SPTBN4: variants seen among roughly 807,000 people sequenced by gnomAD.
The protein encoded by SPTBN4 is spectrin beta, non-erythrocytic 4.
In SPTBN4, 96 loss-of-function variants were observed where a neutral mutation model predicts 277.8. That is an observed-to-expected ratio of 0.35 (90% CI 0.29 to 0.41). The LOEUF is 0.41. Ranked by LOEUF, SPTBN4 falls within the 10% of genes least tolerant of loss-of-function variation. The probability of loss-of-function intolerance (pLI) is 1.00; values close to 1 mark genes in which losing one functional copy is unlikely to be tolerated. For synonymous variants in SPTBN4, 1,481 were observed against 1,580.3 expected (o/e 0.94, Z 1.49); for missense variants, 3,006 against 3,595.7 (o/e 0.84, Z 4.19).
intron 7 of SPTBN4, among the ~76,000 whole-genome samples, chr19:40,498,469 G>GCA (rs2080227192): frequency 6.6e-6 from 1 of 151,478 alleles, no homozygotes; most frequent in Non-Finnish European, 1.5e-5. Flanking sequence ...GCAGTGGCAT[G>GCA]ATCTCGGCTC....
At chr19:40,571,314 G>T (rs2081154754) in intron 33 of SPTBN4, among the ~76,000 whole-genome samples, 1 of 152,184 alleles carries the variant, frequency 6.6e-6, no homozygotes, top group South Asian at 2.1e-4. Context: ...GGGTTGGGAA[G>T]GGGGAGTCAT....
At chr19:40,569,602 T>A in intron 31 of SPTBN4, 55 bp from the exon 32 acceptor site, 2 of 1,588,308 alleles carry the variant, frequency 1.3e-6, no homozygotes, top group East Asian at 2.3e-5. Context: ...GCCAGACAGG[T>A]CCATGGGAGA....
chr19:40,487,997 T>G (rs550635853), intron 3 of SPTBN4, 149 bp downstream of exon 3: 1 of 925,418 alleles, frequency 1.1e-6, no homozygotes, highest in African/African-American at 1.7e-5. Context: ...AAGAGGTCCC[T>G]CTACTCGGGT....
chr19:40,532,598 T>G (rs1448537359), intron 18 of SPTBN4, 27 bp from the exon 19 acceptor site: 1 of 1,596,804 alleles, frequency 6.3e-7, no homozygotes. Context: ...GGGGACCAGC[T>G]GAGCCCTCCT....
intron 17 of SPTBN4, among the ~76,000 whole-genome samples, chr19:40,524,920 CA>C (rs751001571): frequency 2.6e-5 from 4 of 152,178 alleles, no homozygotes; most frequent in Non-Finnish European, 5.9e-5. Flanking sequence ...AAAACAACAC[CA>C]CCACCTCCAG....
Position 40,531,620 on chromosome 19 carries a change from G to A in SPTBN4, c.3949-1005G>A, listed in dbSNP as rs981342480. 2.0e-5 allele frequency among the ~76,000 whole-genome samples: 3 copies of A among 150,410 alleles called. No homozygotes were observed. In the South Asian group the frequency reaches 6.4e-4, roughly 32 times the overall value. On this transcript the variant is annotated intron_variant, in intron 18 of 35. Transcript: ENST00000598249. Reference sequence around the variant, plus strand: ...AGTTCTGGCTTGGAGGATAAGTCTGGTTTTTTACTGGAGGGGGTTGGGGGA... The same window carrying A: ...AGTTCTGGCTTGGAGGATAAGTCTGATTTTTTACTGGAGGGGGTTGGGGGA...
At chr19:40,482,124 A>G (rs1422695732) in intron 2 of SPTBN4, among the ~76,000 whole-genome samples, 1 of 151,432 alleles carries the variant, frequency 6.6e-6, no homozygotes, top group Non-Finnish European at 1.5e-5. Context: ...TTTAGTAGAG[A>G]TGGGGTTTCA....
intron 6 of SPTBN4, among the ~76,000 whole-genome samples, chr19:40,495,287 A>G (rs2080183969): frequency 6.6e-6 from 1 of 152,128 alleles, no homozygotes; most frequent in Non-Finnish European, 1.5e-5. Flanking sequence ...CCCGCAGGGT[A>G]GGAAGCTCGC....
intron 31 of SPTBN4, 72 bp downstream of exon 31, chr19:40,568,354 C>T: frequency 6.8e-7 from 1 of 1,470,430 alleles, no homozygotes; most frequent in Non-Finnish European, 9.0e-7. Flanking sequence ...CCCTCAGGCC[C>T]AGTGAAAGGG....
chr19:40,561,313 T>C (rs1226528968), intron 27 of SPTBN4, among the ~76,000 whole-genome samples: 1 of 151,934 alleles, frequency 6.6e-6, no homozygotes, highest in Non-Finnish European at 1.5e-5. Context: ...GTGCCTGACC[T>C]AGGCTGGAAA....
intron 12 of SPTBN4, among the ~76,000 whole-genome samples, chr19:40,505,751 G>GAAGGAAGGAAGGAAGA (rs1185459061): frequency 6.9e-6 from 1 of 144,168 alleles, no homozygotes; most frequent in Non-Finnish European, 1.5e-5. Flanking sequence ...AGGAAGGAAG[G>GAAGGAAGGAAGGAAGA]AAGAAAGAAA....
chr19:40,575,701 G>T lies in SPTBN4; in HGVS notation c.*132G>T, dbSNP rs1016264079. 3.5e-6 allele frequency: 4 copies of T among 1,149,072 alleles called. No individual in the cohort carries two copies. The highest frequency in any genetic ancestry group is 4.8e-6 in the Non-Finnish European group (4 of 841,490). The allele number at this position is 1,149,072 out of a possible 1,614,324, so 71.2% of individuals were successfully genotyped here. A position where few individuals can be genotyped will look rare whatever the true frequency, so the allele number is the denominator to read the frequency against. ...GAGGACGCGTGACATGGTGGGCACC[G>T]GAAAGGAGGGGACTTCTCCTGCACC... On this transcript the variant is annotated 3_prime_UTR_variant, in exon 36 of 36. Coordinates refer to ENST00000598249, the MANE Select transcript of SPTBN4 (RefSeq NM_020971.3).
intron 20 of SPTBN4, among the ~76,000 whole-genome samples, chr19:40,541,945 G>A (rs1027079209): frequency 5.5e-5 from 8 of 146,776 alleles, no homozygotes; most frequent in Non-Finnish European, 7.5e-5. Flanking sequence ...TTTTTGAGAC[G>A]GAATCTCACT....
At position 40,534,123 on chromosome 19, in the gene SPTBN4, C is replaced by T. The variant is rs1186393678; in HGVS notation, c.4139C>T (p.Ser1380Phe). The T allele has an allele frequency of 1.2e-6, 2 of 1,609,952 alleles. No homozygotes were observed. Among genetic ancestry groups the T allele is most frequent in the Admixed American group, 3.3e-5 (2 of 59,786 alleles). The change falls in exon 20 of 36, where the codon TCC (serine) becomes TTC (phenylalanine). Residue 1380 changes from serine to phenylalanine, a missense_variant. Physicochemically the swap from Ser to Phe is radical, Grantham distance 155. Coordinates refer to ENST00000598249, the MANE Select transcript of SPTBN4 (RefSeq NM_020971.3). ...LMQEKPELAA[S>F]VRKKLGEIRQ... ...CAGGAGAAGCCCGAACTGGCGGCCTCCGTGCGGAAGAAGCTGGGCGAGATC... is the reference window on the plus strand; with the variant it reads ...CAGGAGAAGCCCGAACTGGCGGCCTTCGTGCGGAAGAAGCTGGGCGAGATC...
intron 25 of SPTBN4, 78 bp from the exon 26 acceptor site, chr19:40,556,945 T>C: frequency 1.4e-6 from 2 of 1,472,198 alleles, no homozygotes; most frequent in East Asian, 4.9e-5. Context: ...AAAAAAAACA[T>C]TGTAGGCTGG....
chr19:40,549,067 A>G (rs1252198222), intron 20 of SPTBN4, 122 bp from the exon 21 acceptor site: 1 of 746,296 alleles, frequency 1.3e-6, no homozygotes, highest in Non-Finnish European at 2.1e-6. Context: ...GGGACTGAAC[A>G]AGGAGAGGGT....
intron 32 of SPTBN4, among the ~76,000 whole-genome samples, chr19:40,569,936 C>CCACACACACA (rs60074818): frequency 0.051 from 6,685 of 131,390 alleles, 199 homozygotes; most frequent in Non-Finnish European, 0.066. Flanking sequence ...TACTGCCCCT[C>CCACACACACA]CACACACACA....
chr19:40,518,069 GC>G (rs1236114635), intron 15 of SPTBN4, among the ~76,000 whole-genome samples: 10 of 152,178 alleles, frequency 6.6e-5, no homozygotes. Context: ...ATTTTGGGAG[GC>G]CGAGGCAAGC....
intron 32 of SPTBN4, 83 bp from the exon 33 acceptor site, chr19:40,570,352 AC>A: frequency 1.2e-6 from 1 of 857,442 alleles, no homozygotes; most frequent in Non-Finnish European, 1.7e-6. Context: ...GACAGATGGG[AC>A]CCCAGACCCA....
Sources: gnomAD v4.1 joint callset for allele counts (sites outside exome capture counted in the v4.1 genomes callset) on GRCh38, gnomAD v4.1.1 for gene constraint, MANE v1.5 for transcripts, NCBI Gene and HGNC (gene_info 2026-07-23, HGNC 2026-07-21) for gene names.